Variants in TFCP2L1 observed in about 807,000 individuals in gnomAD.
TFCP2L1 encodes transcription factor CP2 like 1, also known as transcription factor CP2-like protein 1.
TFCP2L1 carries 12 observed loss-of-function variants against 72.2 expected under a neutral mutation model. That is an observed-to-expected ratio of 0.17 (90% CI 0.11 to 0.27). The LOEUF (loss-of-function observed/expected upper bound fraction) is 0.27. Ranked by LOEUF, TFCP2L1 falls within the 10% of genes least tolerant of loss-of-function variation. The pLI is 1.00. For synonymous variants in TFCP2L1, 260 were observed against 251.0 expected (o/e 1.04, Z -0.34); for missense variants, 488 against 624.6 (o/e 0.78, Z 2.33).
intron 13 of TFCP2L1, among the ~76,000 whole-genome samples, chr2:121,231,157 G>A (rs1686135758): frequency 6.6e-6 from 1 of 152,138 alleles, no homozygotes; most frequent in Non-Finnish European, 1.5e-5. Flanking sequence ...TAAATAAGTC[G>A]CTATGCATAC....
chr2:121,242,706 C>A (rs1280244469), intron 6 of TFCP2L1, among the ~76,000 whole-genome samples: 1 of 152,164 alleles, frequency 6.6e-6, no homozygotes, highest in African/African-American at 2.4e-5. Flanking sequence ...CCCATGGCCA[C>A]TCGCTTATGA....
At chr2:121,275,074 C>A (rs1364937934) in intron 2 of TFCP2L1, among the ~76,000 whole-genome samples, 1 of 151,774 alleles carries the variant, frequency 6.6e-6, no homozygotes, top group African/African-American at 2.4e-5. Flanking sequence ...CCCTAAATAA[C>A]AAAAGGAAAT....
chr2:121,280,125 A>G (rs1205122189), intron 2 of TFCP2L1, among the ~76,000 whole-genome samples: 1 of 152,118 alleles, frequency 6.6e-6, no homozygotes, highest in African/African-American at 2.4e-5. Flanking sequence ...GGCACCTCAC[A>G]GACCTTCATT....
chr2:121,251,709 G>A (rs1686618616), intron 2 of TFCP2L1, among the ~76,000 whole-genome samples: 1 of 152,072 alleles, frequency 6.6e-6, no homozygotes, highest in Admixed American at 6.6e-5. Flanking sequence ...AATAAATGAG[G>A]TAATGCCTAT....
In TFCP2L1 at chr2:121,230,665, T is replaced by C. The variant is rs555186722; in HGVS notation, c.1341+1161A>G. ...GTGAGTGCCTGTAGTTCCAGCTACT[T>C]AGGAGCCTGAGGTGGGAGGATGGCC... On this transcript the variant is annotated intron_variant, in intron 13 of 14. Coordinates refer to ENST00000263707, the MANE Select transcript of TFCP2L1 (RefSeq NM_014553.3). Among the ~76,000 whole-genome samples the C allele has an allele frequency of 7.2e-5, 11 of 151,906 alleles. No individual in the cohort carries two copies. The South Asian group carries it at 2.1e-3, about 29-fold the overall frequency.
chr2:121,226,873 T>C (rs1160200053), intron 13 of TFCP2L1, among the ~76,000 whole-genome samples: 1 of 152,234 alleles, frequency 6.6e-6, no homozygotes, highest in Non-Finnish European at 1.5e-5. Flanking sequence ...GAAATTTTCC[T>C]ACATTCTCCT....
rs374243132 is a variant in TFCP2L1 at position 121,281,140 on chromosome 2, G to A, written c.194C>T (p.Thr65Met). The A allele has an allele frequency of 1.4e-5, 22 of 1,613,920 alleles. No homozygotes were observed. Among genetic ancestry groups the A allele is most frequent in the East Asian group, 1.1e-4 (5 of 44,862 alleles). ...TSPAVKLHEE[T>M]LTYLNQGQSY... is the part of the protein sequence containing the mutation. The stretch of plus-strand genomic sequence containing the variant: ...ACTACCTTGGTTGAGGTAGGTCAGC[G>A]TCTCTTCATGCAGCTTCACGGCTGG... The change falls in exon 2 of 15, where the codon ACG becomes ATG. Residue 65 changes from threonine to methionine, a missense_variant. By Grantham distance (81) the Thr-to-Met change is moderately conservative (BLOSUM62 -1). Transcript: ENST00000263707.
chr2:121,241,507 C>CA (rs890783220), intron 7 of TFCP2L1, among the ~76,000 whole-genome samples: 22 of 146,504 alleles, frequency 1.5e-4, no homozygotes, highest in East Asian at 4.0e-4. Flanking sequence ...AAAAAACAAA[C>CA]AAAAAAAAAA....
In TFCP2L1 at chr2:121,280,770, A is replaced by G. The variant is rs78794855; in HGVS notation, c.214+350T>C. Among the ~76,000 whole-genome samples, 550 of 130,748 alleles carry G rather than the reference A, an allele frequency of 4.2e-3. 3 individuals are homozygous for G. The highest frequency in any genetic ancestry group is 0.012 in the African/African-American group (376 of 32,616). The allele number at this position is 130,748 out of a possible 152,430, so 85.8% of individuals were successfully genotyped here. ...CAGAACAAGACCCCCTCAAAAAAGG[A>G]AAAAAAAAAAAAAAGAAAGAAAGAA... On this transcript the variant is annotated intron_variant, in intron 2 of 14. Transcript: ENST00000263707.
chr2:121,272,533 CT>C (rs1687065890), intron 2 of TFCP2L1, among the ~76,000 whole-genome samples: 1 of 152,220 alleles, frequency 6.6e-6, no homozygotes, highest in Non-Finnish European at 1.5e-5. Context: ...CTTCCCAAAG[CT>C]ACCACCGTTT....
At chr2:121,282,063 G>A (rs2104773862) in intron 1 of TFCP2L1, among the ~76,000 whole-genome samples, 1 of 152,114 alleles carries the variant, frequency 6.6e-6, no homozygotes, top group African/African-American at 2.4e-5. Flanking sequence ...TTCCTGAGTA[G>A]CTGGGATTAT....
chr2:121,236,976 C>A (rs545707942), intron 10 of TFCP2L1, among the ~76,000 whole-genome samples: 7 of 152,336 alleles, frequency 4.6e-5, no homozygotes, highest in South Asian at 2.1e-4. Flanking sequence ...TCAGCAATGC[C>A]GAGCTGAGGA....
intron 2 of TFCP2L1, among the ~76,000 whole-genome samples, chr2:121,274,983 A>G (rs1687116557): frequency 6.6e-6 from 1 of 152,172 alleles, no homozygotes; most frequent in African/African-American, 2.4e-5. Context: ...TCAGCCCTAT[A>G]GAACTTCCAT....
intron 2 of TFCP2L1, among the ~76,000 whole-genome samples, chr2:121,251,705 T>G (rs1410867556): frequency 1.3e-5 from 2 of 152,184 alleles, no homozygotes; most frequent in Non-Finnish European, 2.9e-5. Context: ...AAATAATAAA[T>G]GAGGTAATGC....
In TFCP2L1 at chr2:121,224,002, C is replaced by T. The variant is rs1573351769; in HGVS notation, c.*339G>A. The T allele has an allele frequency of 2.9e-6, 1 of 342,520 alleles. No homozygotes were observed. The highest frequency in any genetic ancestry group is 5.7e-5 in the East Asian group (1 of 17,392). The allele number at this position is 342,520 out of a possible 1,614,324, so 21.2% of individuals were successfully genotyped here. Reference sequence around the variant, plus strand: ...GACCAATACAGGCAGCACCAAGATACCCAATCAGCTTCCAACTAAGGGATG... The same window carrying T: ...GACCAATACAGGCAGCACCAAGATATCCAATCAGCTTCCAACTAAGGGATG... On this transcript the variant is annotated 3_prime_UTR_variant, in exon 15 of 15. Coordinates refer to ENST00000263707, the MANE Select transcript of TFCP2L1 (RefSeq NM_014553.3).
intron 13 of TFCP2L1, among the ~76,000 whole-genome samples, chr2:121,226,080 A>G (rs907687338): frequency 1.5e-5 from 2 of 133,170 alleles, no homozygotes; most frequent in Non-Finnish European, 3.3e-5. Flanking sequence ...ACACGGGAAC[A>G]CGGTAAACAC....
rs111535691 is a variant in TFCP2L1 at position 121,241,520 on chromosome 2, G to C, written c.768+839C>G. The stretch of plus-strand genomic sequence containing the variant: ...TCAAAAAACAAACAAAAAAAAAAGG[G>C]AAGAGGAAGAGCGAGCTCCTCAGGA... On this transcript the variant is annotated intron_variant, in intron 7 of 14. Coordinates refer to ENST00000263707, the MANE Select transcript of TFCP2L1 (RefSeq NM_014553.3). Among the ~76,000 whole-genome samples the C allele has an allele frequency of 7.0e-3, 1,067 of 152,132 alleles. 11 individuals are homozygous for C. Among genetic ancestry groups the C allele is most frequent in the African/African-American group, 0.024 (990 of 41,528 alleles).
At chr2:121,278,029 CTTTTTTTTTTT>C (rs530823906) in intron 2 of TFCP2L1, among the ~76,000 whole-genome samples, 2 of 122,754 alleles carry the variant, frequency 1.6e-5, no homozygotes, top group Non-Finnish European at 3.4e-5. Flanking sequence ...CTTTTTCTCT[CTTTTTTTTTTT>C]TTTTTTTGAG....
chr2:121,250,542 C>T (rs60390394), intron 2 of TFCP2L1, among the ~76,000 whole-genome samples: 7 of 151,598 alleles, frequency 4.6e-5, no homozygotes, highest in African/African-American at 1.7e-4. Flanking sequence ...TAGCATATAT[C>T]GCAATTTAAT....
Sources: allele counts gnomAD v4.1 joint callset (sites outside exome capture counted in the v4.1 genomes callset), GRCh38; gene constraint gnomAD v4.1.1; transcripts MANE v1.5; gene names NCBI Gene and HGNC (gene_info 2026-07-23, HGNC 2026-07-21).